LUZP1: variants seen among roughly 807,000 people sequenced by gnomAD.
LUZP1 encodes the protein filamin mechanobinding actin cross-linking protein.
In LUZP1, 25 loss-of-function variants were observed where a neutral mutation model predicts 71.3. The observed-to-expected ratio is 0.35, with a 90% CI of 0.26 to 0.49. The LOEUF (loss-of-function observed/expected upper bound fraction) is 0.49. LUZP1 is among the 20% of genes least tolerant of loss of function. The probability of loss-of-function intolerance (pLI) is 0.99; values close to 1 mark genes in which losing one functional copy is unlikely to be tolerated. For missense variants in LUZP1, 1,142 were observed against 1,300.8 expected (o/e 0.88, Z 1.88); for synonymous variants, 481 against 506.4 (o/e 0.95, Z 0.67).
At chr1:23,111,759 TC>T (rs942831731) in intron 2 of LUZP1, among the ~76,000 whole-genome samples, 36 of 150,984 alleles carry the variant, frequency 2.4e-4, no homozygotes, top group Admixed American at 1.6e-3. Flanking sequence ...CCTGTCTCTT[TC>T]CCCCTCCCCA....
At position 23,094,929 on chromosome 1, in the gene LUZP1, A is replaced by C. The variant is rs942636219; in HGVS notation, c.-119-549T>G. 6.6e-6 allele frequency among the ~76,000 whole-genome samples: 1 copy of C among 152,176 alleles called. No individual in the cohort carries two copies. The highest frequency in any genetic ancestry group is 1.5e-5 in the Non-Finnish European group (1 of 68,036). On this transcript the variant is annotated intron_variant, in intron 3 of 4. Coordinates refer to ENST00000302291, the Ensembl canonical transcript of LUZP1. The surrounding 1 kb of genome is among the most constrained non-coding windows in gnomAD (Gnocchi z 4.7). ...CCTTGCTATAAATGGTGAGCTTCAC[A>C]ATATACTAAAACAATCTCTCTACAC... is the stretch of plus-strand genomic sequence containing the variant.
chr1:23,084,880 T>C (rs1643737937), exon 5 of LUZP1: 1 of 152,438 alleles, frequency 6.6e-6, no homozygotes, highest in Non-Finnish European at 1.5e-5. Flanking sequence ...TAAATAAATA[T>C]ACTAGAGCTG....
intron 2 of LUZP1, among the ~76,000 whole-genome samples, chr1:23,114,903 T>G (rs1020119014): frequency 6.6e-6 from 1 of 152,218 alleles, no homozygotes; most frequent in Non-Finnish European, 1.5e-5. Context: ...CTAAATGATA[T>G]TTAACAATGA....
Position 23,093,682 on chromosome 1 carries a change from C to A in LUZP1, c.580G>T (p.Val194Leu), listed in dbSNP as rs765477979. The A allele has an allele frequency of 6.2e-7, 1 of 1,612,832 alleles. No homozygotes were observed. Among genetic ancestry groups the A allele is most frequent in the South Asian group, 1.1e-5 (1 of 90,790 alleles). ...TCATTCAAGTATTTTCTCTCACTTACAAAGCTCAGAGTTAATGATTTCAGC... is the reference window on the plus strand; with the variant it reads ...TCATTCAAGTATTTTCTCTCACTTAAAAAGCTCAGAGTTAATGATTTCAGC... Residue 194 changes from valine to leucine, a missense_variant, in exon 4 of 5, where the codon GTA becomes TTA. Coordinates refer to ENST00000302291, the Ensembl canonical transcript of LUZP1. The surrounding 1 kb of genome is among the most constrained non-coding windows in gnomAD (Gnocchi z 4.2).
chr1:23,114,172 A>C (rs1183856965), intron 2 of LUZP1, among the ~76,000 whole-genome samples: 1 of 152,188 alleles, frequency 6.6e-6, no homozygotes, highest in Non-Finnish European at 1.5e-5. Flanking sequence ...CACAGGGATA[A>C]TTTTCTGTTA....
chr1:23,175,455 T>C (rs943358905), intron 1 of LUZP1, among the ~76,000 whole-genome samples: 16 of 152,218 alleles, frequency 1.1e-4, no homozygotes, highest in Admixed American at 5.9e-4. Context: ...CTTTTGGTGC[T>C]TTCCCCCCTA....
At chr1:23,096,742 G>A (rs1438397971) in intron 3 of LUZP1, among the ~76,000 whole-genome samples, 2 of 152,166 alleles carry the variant, frequency 1.3e-5, no homozygotes, top group African/African-American at 4.8e-5. Context: ...GGAGGCTGAG[G>A]CAGGAGGATC....
chr1:23,136,295 AACACAC>A (rs10578041), intron 2 of LUZP1, among the ~76,000 whole-genome samples: 2,559 of 130,200 alleles, frequency 0.02, 32 homozygotes, highest in Middle Eastern at 0.031. Context: ...TTCCGTCTTA[AACACAC>A]ACACACACAC....
intron 3 of LUZP1, among the ~76,000 whole-genome samples, chr1:23,103,107 A>ATTTTTT (rs3051246): frequency 6.9e-6 from 1 of 145,466 alleles, no homozygotes. Context: ...AATTTTTCTC[A>ATTTTTT]TTTTTTTTTT....
At chr1:23,138,049 C>T (rs1644268775) in intron 2 of LUZP1, among the ~76,000 whole-genome samples, 1 of 152,236 alleles carries the variant, frequency 6.6e-6, no homozygotes, top group South Asian at 2.1e-4. Flanking sequence ...CAGCTCACTG[C>T]AACCTCTACC....
chr1:23,100,210 G>A (rs779949980), intron 3 of LUZP1, among the ~76,000 whole-genome samples: 2 of 152,168 alleles, frequency 1.3e-5, no homozygotes, highest in African/African-American at 2.4e-5. Flanking sequence ...CTGAAAATTC[G>A]ATGAATTTGA....
intron 4 of LUZP1, among the ~76,000 whole-genome samples, 157 bp from the exon 4 acceptor site, chr1:23,089,210 G>A (rs1643816120): frequency 6.6e-6 from 1 of 152,182 alleles, no homozygotes; most frequent in African/African-American, 2.4e-5. Flanking sequence ...TTTTGCCTGA[G>A]TATGGGCCAA....
intron 4 of LUZP1, among the ~76,000 whole-genome samples, chr1:23,089,494 T>A (rs752406955): frequency 6.6e-6 from 1 of 152,146 alleles, no homozygotes; most frequent in African/African-American, 2.4e-5. Context: ...ACATACAAAC[T>A]ACCAAAAAGC....
intron 2 of LUZP1, among the ~76,000 whole-genome samples, chr1:23,113,465 C>T (rs1334496979): frequency 2.0e-5 from 3 of 152,030 alleles, no homozygotes; most frequent in Non-Finnish European, 2.9e-5. Flanking sequence ...AAATTAAACC[C>T]ATTTGCAATT....
chr1:23,153,488 CA>C (rs1644399078), intron 2 of LUZP1, among the ~76,000 whole-genome samples: 1 of 152,158 alleles, frequency 6.6e-6, no homozygotes, highest in African/African-American at 2.4e-5. Context: ...AAACTAATCC[CA>C]GTAAACTGTA....
rs74062880 is a variant in LUZP1, at chr1:23,130,423, T to G, written c.-225-21296A>C. ...TCTTTGTATTTTTACCTGTACAATATTATGAATATAATGGTTATTCAATAG... is the reference window on the plus strand; with the variant it reads ...TCTTTGTATTTTTACCTGTACAATAGTATGAATATAATGGTTATTCAATAG... On this transcript the variant is annotated intron_variant, in intron 2 of 4. Coordinates refer to ENST00000302291, the Ensembl canonical transcript of LUZP1. 4.4e-3 allele frequency among the ~76,000 whole-genome samples: 671 copies of G among 152,168 alleles called. 6 individuals carry two copies. The highest frequency in any genetic ancestry group is 0.016 in the African/African-American group (647 of 41,512).
chr1:23,121,789 A>G (rs1201171749), intron 2 of LUZP1, among the ~76,000 whole-genome samples: 1 of 152,170 alleles, frequency 6.6e-6, no homozygotes, highest in East Asian at 1.9e-4. Flanking sequence ...AGGCAGGTGG[A>G]TCACCTGAGG....
chr1:23,160,900 T>C (rs1201542198), intron 2 of LUZP1, among the ~76,000 whole-genome samples: 1 of 152,224 alleles, frequency 6.6e-6, no homozygotes, highest in Admixed American at 6.5e-5. Context: ...TGTGATAGTG[T>C]GATTTTCCAT....
intron 3 of LUZP1, among the ~76,000 whole-genome samples, chr1:23,099,240 C>T (rs1643913129): frequency 6.6e-6 from 1 of 152,230 alleles, no homozygotes; most frequent in African/African-American, 2.4e-5. Flanking sequence ...AATGTATACA[C>T]AGGGTTGGTT....
Sources: gnomAD v4.1 joint callset for allele counts (sites outside exome capture counted in the v4.1 genomes callset) on GRCh38, gnomAD v4.1.1 for gene constraint, Gnocchi (gnomAD v3.1) non-coding constraint, MANE v1.5 for transcripts, NCBI Gene and HGNC (gene_info 2026-07-23, HGNC 2026-07-21) for gene names.